TANC2: variants seen among roughly 807,000 people sequenced by gnomAD.
The protein encoded by TANC2 is tetratricopeptide repeat, ankyrin repeat and coiled-coil containing 2, also known as protein TANC2.
Under a neutral mutation model 210.5 loss-of-function variants are expected in TANC2, and 26 were observed. The ratio of observed to expected loss-of-function variants is 0.12; its 90% confidence interval spans 0.09 to 0.17. The LOEUF (loss-of-function observed/expected upper bound fraction) is 0.17. Ranked by LOEUF, TANC2 falls within the 10% of genes least tolerant of loss-of-function variation. TANC2 has a pLI of 1.00. For synonymous variants in TANC2, 931 were observed against 967.1 expected (o/e 0.96, Z 0.69); for missense variants, 2,129 against 2,608.9 (o/e 0.82, Z 4.01).
intron 21 of TANC2, 97 bp from the exon 22 acceptor site, chr17:63,411,414 C>T: frequency 2.5e-6 from 3 of 1,186,286 alleles, no homozygotes; most frequent in Non-Finnish European, 3.5e-6. Context: ...CAGAAACGAG[C>T]AGTGTTCTTT....
chr17:63,402,345 C>G lies in TANC2; in HGVS notation c.3332-2777C>G, dbSNP rs185101082. ...GGACATATCTCCATTGTGCATATCA[C>G]ACTATATTAACATATTCGTCTGTTT... On this transcript the variant is annotated intron_variant, in intron 19 of 27. Transcript: ENST00000689528. 1.4e-4 allele frequency among the ~76,000 whole-genome samples: 22 copies of G among 152,350 alleles called. No individual in the cohort carries two copies. The East Asian group carries it at 4.2e-3, about 29-fold the overall frequency.
At chr17:63,154,715 A>G (rs1392235331) in intron 5 of TANC2, 2 of 152,128 alleles carry the variant, frequency 1.3e-5, no homozygotes, top group Non-Finnish European at 2.9e-5. Flanking sequence ...ATCCTAAGGT[A>G]TAAGACAAGG....
intron 12 of TANC2, among the ~76,000 whole-genome samples, chr17:63,344,297 C>G (rs1221063824): frequency 2.0e-5 from 3 of 152,170 alleles, no homozygotes; most frequent in African/African-American, 7.2e-5. Flanking sequence ...TGAAACCAGT[C>G]CCTCCGAAGT....
chr17:63,017,354 T>C (rs887775385), intron 2 of TANC2, among the ~76,000 whole-genome samples: 1 of 152,242 alleles, frequency 6.6e-6, no homozygotes, highest in African/African-American at 2.4e-5. Context: ...TTTTATTTTT[T>C]ACTAAAATGA....
At chr17:63,041,474 A>AT (rs2035184972) in intron 2 of TANC2, among the ~76,000 whole-genome samples, 1 of 152,184 alleles carries the variant, frequency 6.6e-6, no homozygotes, top group African/African-American at 2.4e-5. Flanking sequence ...TTAGTATCAC[A>AT]TAAAAACAAA....
intron 5 of TANC2, among the ~76,000 whole-genome samples, chr17:63,186,967 C>G (rs1234508433): frequency 6.6e-6 from 1 of 152,170 alleles, no homozygotes; most frequent in East Asian, 1.9e-4. Context: ...TTACAGAATT[C>G]CATTCAAGGA....
intron 2 of TANC2, among the ~76,000 whole-genome samples, chr17:63,052,143 T>C (rs1159801493): frequency 6.6e-6 from 1 of 152,192 alleles, no homozygotes; most frequent in Non-Finnish European, 1.5e-5. Context: ...ATCATGAATA[T>C]GATAGATGAA....
intron 1 of TANC2, among the ~76,000 whole-genome samples, chr17:62,989,494 T>G (rs2032744970): frequency 6.6e-6 from 1 of 152,224 alleles, no homozygotes; most frequent in Non-Finnish European, 1.5e-5. Context: ...ACTTAATCCT[T>G]TAAAATAACA....
chr17:63,392,274 A>T (rs1220685855), intron 17 of TANC2, among the ~76,000 whole-genome samples: 1 of 152,182 alleles, frequency 6.6e-6, no homozygotes, highest in East Asian at 1.9e-4. Flanking sequence ...TCACATTTGT[A>T]ACTGCTTCCT....
chr17:63,180,161 T>C (rs2040731918), intron 5 of TANC2, among the ~76,000 whole-genome samples: 1 of 152,016 alleles, frequency 6.6e-6, no homozygotes, highest in Non-Finnish European at 1.5e-5. Context: ...AAATAATGGC[T>C]TCCCTCTAGC....
intron 9 of TANC2, among the ~76,000 whole-genome samples, chr17:63,280,713 G>C (rs554720408): frequency 6.6e-6 from 1 of 152,160 alleles, no homozygotes; most frequent in South Asian, 2.1e-4. Flanking sequence ...GATAGGGTTA[G>C]AAAAATTGCT....
At chr17:63,082,118 C>T (rs2036798978) in intron 3 of TANC2, among the ~76,000 whole-genome samples, 1 of 152,114 alleles carries the variant, frequency 6.6e-6, no homozygotes. Flanking sequence ...TTGCAGTGAG[C>T]CAAGGTCTTG....
At chr17:63,000,150 C>T (rs1391412047) in intron 1 of TANC2, among the ~76,000 whole-genome samples, 5 of 152,114 alleles carry the variant, frequency 3.3e-5, no homozygotes, top group African/African-American at 1.2e-4. Flanking sequence ...ACCTGAGTGA[C>T]AAAATCTGTA....
intron 3 of TANC2, among the ~76,000 whole-genome samples, chr17:63,083,428 A>G (rs2036850120): frequency 1.3e-5 from 2 of 152,106 alleles, no homozygotes; most frequent in Non-Finnish European, 2.9e-5. Flanking sequence ...GGGATGGAAG[A>G]AAAGGGGGAA....
chr17:63,235,569 T>C (rs1338501459), intron 7 of TANC2, among the ~76,000 whole-genome samples: 3 of 152,104 alleles, frequency 2.0e-5, no homozygotes, highest in Admixed American at 6.5e-5. Flanking sequence ...CCTTTTACTT[T>C]TTGTGACAAC....
chr17:63,070,653 T>C (rs921979050), intron 2 of TANC2, among the ~76,000 whole-genome samples: 2 of 152,096 alleles, frequency 1.3e-5, no homozygotes, highest in African/African-American at 4.8e-5. Context: ...AGAATGGTTT[T>C]TATATTTGTA....
Position 63,412,109 on chromosome 17 carries a change from C to G in TANC2, c.3877C>G (p.Leu1293Val). Residue 1293 changes from leucine to valine, a missense_variant, in exon 23 of 28, where the codon CTG becomes GTG. By Grantham distance (32) the Leu-to-Val change is conservative. Around this residue, in one of 5 missense-constraint regions of TANC2, gnomAD observed 644 missense variants for 937.5 expected, o/e 0.69. Transcript: ENST00000689528. The surrounding 1 kb of genome is among the most constrained non-coding windows in gnomAD (Gnocchi z 4.2). ...GAACACTTCTGTTGTTGTCACTCTT[C>G]TGAAGAAAGGAGCCAAGATAGGTAG... The G allele has an allele frequency of 1.9e-6, 3 of 1,613,942 alleles. No individual in the cohort carries two copies. Among genetic ancestry groups the G allele is most frequent in the Non-Finnish European group, 2.5e-6 (3 of 1,179,870 alleles).
At chr17:63,015,055 A>T (rs930198987) in intron 2 of TANC2, among the ~76,000 whole-genome samples, 3 of 151,964 alleles carry the variant, frequency 2.0e-5, no homozygotes, top group Non-Finnish European at 4.4e-5. Flanking sequence ...TTAATGAATA[A>T]TTGGGTAGAT....
At chr17:63,253,801 G>A (rs1202734882) in intron 8 of TANC2, among the ~76,000 whole-genome samples, 3 of 151,598 alleles carry the variant, frequency 2.0e-5, no homozygotes, top group Non-Finnish European at 2.9e-5. Flanking sequence ...TTGGTTTGAG[G>A]GTTTTTGTTG....
Sources: allele counts gnomAD v4.1 joint callset (sites outside exome capture counted in the v4.1 genomes callset), GRCh38; gene constraint gnomAD v4.1.1; regional missense constraint gnomAD v4.1.1; non-coding constraint Gnocchi (gnomAD v3.1); transcripts MANE v1.5; gene names NCBI Gene and HGNC (gene_info 2026-07-23, HGNC 2026-07-21).